Variants in BRCA2 observed in about 807,000 individuals in gnomAD.
The protein encoded by BRCA2 is BRCA2 DNA repair associated.
In BRCA2, 203 loss-of-function variants were observed where a neutral mutation model predicts 276.7. The observed-to-expected ratio is 0.73, with a 90% CI of 0.65 to 0.82. The LOEUF (loss-of-function observed/expected upper bound fraction) is 0.82, where lower values mean the gene tolerates loss of function less well. Ranked by LOEUF, BRCA2 falls within the 40% of genes least tolerant of loss-of-function variation. BRCA2 has a pLI of 0.00. For synonymous variants in BRCA2, 1,289 were observed against 1,338.4 expected, an observed-to-expected ratio of 0.96 and a Z score of 0.81; for missense variants, 3,920 against 3,915.0, an observed-to-expected ratio of 1.00 and a Z score of -0.03.
rs1135401939 is a variant in BRCA2, at chr13:32,370,577, C to T, written c.8487+20C>T. On this transcript the variant is annotated intron_variant, in intron 19 of 26. Transcript: ENST00000380152. ...ATACAGGTATGATGTATTCTTGAAA[C>T]TTACCATATATTTCTTTCTTTTGAT... is the stretch of plus-strand genomic sequence containing the variant. 5 of 1,599,958 alleles carry T rather than the reference C, an allele frequency of 3.1e-6. No homozygotes were observed. Among genetic ancestry groups the T allele is most frequent in the Non-Finnish European group, 4.3e-6 (5 of 1,167,314 alleles).
intron 10 of BRCA2, among the ~76,000 whole-genome samples, chr13:32,334,688 G>GA (rs947410734): frequency 1.5e-4 from 22 of 145,206 alleles, no homozygotes; most frequent in East Asian, 6.0e-4. Context: ...AAAAAAAAAA[G>GA]AAAAAAAAAA....
At chr13:32,390,984 A>G (rs1438408537) in intron 24 of BRCA2, among the ~76,000 whole-genome samples, 1 of 152,192 alleles carries the variant, frequency 6.6e-6, no homozygotes, top group African/African-American at 2.4e-5. Context: ...TCACAATGCT[A>G]TAAATTGATT....
chr13:32,346,879 T>G lies in BRCA2; in HGVS notation c.6990T>G (p.Ile2330Met), dbSNP rs990077470. The G allele has an allele frequency of 6.2e-7, 1 of 1,609,340 alleles. No individual in the cohort carries two copies. Among genetic ancestry groups the G allele is most frequent in the Non-Finnish European group, 8.5e-7 (1 of 1,177,402 alleles). ...LFMHHVSLEP[I>M]TCVPFRTTKE... ...TGCATCATGTTTCTTTAGAGCCGAT[T>G]ACCTGTGTACCCTTTCGGTAAGACA... The change falls in exon 13 of 27, where the codon ATT becomes ATG. Residue 2330 changes from isoleucine to methionine, a missense_variant. Physicochemically the swap from Ile to Met is conservative, Grantham distance 10. This residue lies in a region of BRCA2 where 3,263 missense variants were observed against 3,156.9 expected (regional missense o/e 1.03). Coordinates refer to ENST00000380152, the MANE Select transcript of BRCA2 (RefSeq NM_000059.4).
At chr13:32,383,328 C>T (rs923607048) in intron 24 of BRCA2, among the ~76,000 whole-genome samples, 1 of 152,030 alleles carries the variant, frequency 6.6e-6, no homozygotes, top group East Asian at 1.9e-4. Context: ...CCACTGCACT[C>T]CAGACTGGGA....
intron 13 of BRCA2, among the ~76,000 whole-genome samples, chr13:32,351,947 G>A (rs563700718): frequency 6.6e-5 from 10 of 152,176 alleles, no homozygotes; most frequent in Non-Finnish European, 7.4e-5. Context: ...GATTACAGGC[G>A]CGTGCCACCA....
intron 11 of BRCA2, among the ~76,000 whole-genome samples, chr13:32,343,252 T>G (rs540157241): frequency 6.6e-6 from 1 of 152,328 alleles, no homozygotes; most frequent in African/African-American, 2.4e-5. Context: ...GTAATAATCT[T>G]AAATAATTGA....
intron 24 of BRCA2, among the ~76,000 whole-genome samples, chr13:32,391,259 T>C (rs1009591281): frequency 6.6e-6 from 1 of 152,128 alleles, no homozygotes; most frequent in African/African-American, 2.4e-5. Context: ...TGTAGGAGAT[T>C]AGAAAATGCC....
chr13:32,392,846 A>G (rs1190274050), intron 24 of BRCA2, among the ~76,000 whole-genome samples: 1 of 152,064 alleles, frequency 6.6e-6, no homozygotes, highest in African/African-American at 2.4e-5. Flanking sequence ...GGGATCCCAA[A>G]TTGCATTTAG....
rs781363913 is a variant in BRCA2 at position 32,363,467 on chromosome 13, A to T, written c.8265A>T (p.Gly2755=). Residue 2755 remains glycine (G), a synonymous_variant, in exon 18 of 27, where the codon GGA becomes GGT. Coordinates refer to ENST00000380152, the MANE Select transcript of BRCA2 (RefSeq NM_000059.4). The part of the protein sequence containing the change: ...LTVGQKIILH[G]AELVGSPDAC... ...TTGGTCAGAAGATTATTCTTCATGG[A>T]GCAGAACTGGTGGGCTCTCCTGATG... The T allele has an allele frequency of 1.9e-6, 3 of 1,614,138 alleles. No homozygotes were observed. The Admixed American group carries it at 5.0e-5, about 27-fold the overall frequency.
At chr13:32,388,228 T>G (rs2072974476) in intron 24 of BRCA2, among the ~76,000 whole-genome samples, 1 of 152,014 alleles carries the variant, frequency 6.6e-6, no homozygotes, top group African/African-American at 2.4e-5. Context: ...AAGCAATTAT[T>G]GTGCCTTAGC....
intron 10 of BRCA2, among the ~76,000 whole-genome samples, 191 bp downstream of exon 10, chr13:32,333,578 T>G (rs908715663): frequency 6.6e-6 from 1 of 152,222 alleles, no homozygotes; most frequent in Non-Finnish European, 1.5e-5. Flanking sequence ...GTAGATAAGT[T>G]TGCATAGTTT....
Position 32,380,997 on chromosome 13 carries a change from A to G in BRCA2, c.9256+852A>G, listed in dbSNP as rs11571771. Among the ~76,000 whole-genome samples the G allele has an allele frequency of 2.6e-3, 397 of 151,926 alleles. 3 individuals are homozygous for G. Among genetic ancestry groups the G allele is most frequent in the African/African-American group, 9.2e-3 (383 of 41,420 alleles). On this transcript the variant is annotated intron_variant, in intron 24 of 26. Coordinates refer to ENST00000380152, the MANE Select transcript of BRCA2 (RefSeq NM_000059.4). ...GCTGTGTTTTCTCCTTATTTTTTAA[A>G]TGTGTTTGTGTTTGGTGAGTTATGT... is the stretch of plus-strand genomic sequence containing the variant.
Position 32,379,456 on chromosome 13 carries a change from A to G in BRCA2, c.8894A>G (p.Asp2965Gly), listed in dbSNP as rs767481384. 6.2e-7 allele frequency: 1 copy of G among 1,613,394 alleles called. No individual in the cohort carries two copies. Among genetic ancestry groups the G allele is most frequent in the African/African-American group, 1.3e-5 (1 of 74,884 alleles). Residue 2965 changes from aspartate (D) to glycine (G), a missense_variant, in exon 22 of 27, where the codon GAT becomes GGT. This residue lies in a region of BRCA2 where 657 missense variants were observed against 758.2 expected (regional missense o/e 0.87). Coordinates refer to ENST00000380152, the MANE Select transcript of BRCA2 (RefSeq NM_000059.4). Reference protein sequence around the residue: ...AEQKEQGLSRDVTTVWKLRIV... With the variant: ...AEQKEQGLSRGVTTVWKLRIV... ...CAAAAGGAACAAGGTTTATCAAGGG[A>G]TGTCACAACCGTGTGGAAGTTGCGT... is the stretch of plus-strand genomic sequence containing the variant.
rs80358666 is a variant in BRCA2 at position 32,338,670 on chromosome 13, G to A, written c.4315G>A (p.Ala1439Thr). Residue 1439 changes from alanine to threonine, a missense_variant, in exon 11 of 27, where the codon GCC becomes ACC. This residue lies in a region of BRCA2 where 3,263 missense variants were observed against 3,156.9 expected (regional missense o/e 1.03). Transcript: ENST00000380152. ...TGCAAGTGGGAAAAATATTAGTGTCGCCAAAGAGTCATTTAATAAAATTGT... is the reference window on the plus strand; with the variant it reads ...TGCAAGTGGGAAAAATATTAGTGTCACCAAAGAGTCATTTAATAAAATTGT... Reference protein sequence around the residue: ...QTASGKNISVAKESFNKIVNF... With the variant: ...QTASGKNISVTKESFNKIVNF... 10 of 1,595,412 alleles carry A rather than the reference G, an allele frequency of 6.3e-6. No individual in the cohort carries two copies. The highest frequency in any genetic ancestry group is 4.5e-5 in the East Asian group (2 of 44,476).
intron 16 of BRCA2, among the ~76,000 whole-genome samples, chr13:32,359,913 G>A (rs1230799708): frequency 1.3e-5 from 2 of 152,144 alleles, no homozygotes; most frequent in Non-Finnish European, 1.5e-5. Flanking sequence ...AAACAAAAAA[G>A]TCCCTGCCCT....
chr13:32,381,199 T>C (rs2072922519), intron 24 of BRCA2, among the ~76,000 whole-genome samples: 1 of 152,210 alleles, frequency 6.6e-6, no homozygotes. Context: ...TAATGACTGT[T>C]ATGTGCTAGA....
At position 32,337,202 on chromosome 13, in the gene BRCA2, T is replaced by C. The variant is rs886040449; in HGVS notation, c.2847T>C (p.Tyr949=). 6.2e-7 allele frequency: 1 copy of C among 1,613,762 alleles called. No homozygotes were observed. Among genetic ancestry groups the C allele is most frequent in the Non-Finnish European group, 8.5e-7 (1 of 1,179,878 alleles). ...TQVSIKKDLV[Y]VLAEENKNSV... is the part of the protein sequence containing the mutation. ...TGTCAATTAAAAAAGATTTGGTTTATGTTCTTGCAGAGGAGAACAAAAATA... is the reference window on the plus strand; with the variant it reads ...TGTCAATTAAAAAAGATTTGGTTTACGTTCTTGCAGAGGAGAACAAAAATA... Residue 949 remains tyrosine, a synonymous_variant, in exon 11 of 27, where the codon TAT becomes TAC. Transcript: ENST00000380152.
intron 19 of BRCA2, 86 bp downstream of exon 19, chr13:32,370,643 T>G (rs1242919467): frequency 1.4e-6 from 2 of 1,446,536 alleles, no homozygotes; most frequent in African/African-American, 2.8e-5. Context: ...AGTTTCGGTC[T>G]CTTGCCCAGG....
In BRCA2 at chr13:32,400,172, C is replaced by T. The variant is rs1037311909; in HGVS notation, c.*1402C>T. 3 of 152,202 alleles carry T rather than the reference C, an allele frequency of 2.0e-5. No individual in the cohort carries two copies. Among genetic ancestry groups the T allele is most frequent in the Admixed American group, 1.3e-4 (2 of 15,268 alleles). The allele number at this position is 152,202 out of a possible 1,614,324, so 9.4% of individuals were successfully genotyped here. A position where few individuals can be genotyped will look rare whatever the true frequency, so the allele number is the denominator to read the frequency against. ...TAATTGCATGGAGAAGGTCTTAAAT[C>T]AGATGTTTTAATGCCTTAAATGTCT... On this transcript the variant is annotated 3_prime_UTR_variant, in exon 27 of 27. Transcript: ENST00000380152.
Sources: allele counts gnomAD v4.1 joint callset (sites outside exome capture counted in the v4.1 genomes callset), GRCh38; gene constraint gnomAD v4.1.1; regional missense constraint gnomAD v4.1.1; transcripts MANE v1.5; gene names NCBI Gene and HGNC (gene_info 2026-07-23, HGNC 2026-07-21).